Variants in ANKS1B observed in about 807,000 individuals in gnomAD.
ANKS1B encodes the protein ankyrin repeat and sterile alpha motif domain containing 1B.
In ANKS1B, 36 loss-of-function variants were observed where a neutral mutation model predicts 148.3. The ratio of observed to expected loss-of-function variants is 0.24; its 90% CI spans 0.19 to 0.32. ANKS1B has a LOEUF of 0.32. ANKS1B is among the 10% of genes least tolerant of loss of function. The pLI, the probability that ANKS1B is intolerant of heterozygous loss-of-function variation, is 1.00. For synonymous variants in ANKS1B, 542 were observed against 560.8 expected (o/e 0.97, Z 0.47); for missense variants, 1,157 against 1,542.6 (o/e 0.75, Z 4.19).
chr12:99,433,338 A>T (rs2095410360), intron 11 of ANKS1B, among the ~76,000 whole-genome samples: 1 of 152,202 alleles, frequency 6.6e-6, no homozygotes, highest in Admixed American at 6.5e-5. Flanking sequence ...CAGAGGTATG[A>T]TGATGTCATC....
chr12:99,040,267 TGC>T, intron 17 of ANKS1B, among the ~76,000 whole-genome samples: 1 of 151,476 alleles, frequency 6.6e-6, no homozygotes, highest in East Asian at 2.0e-4. Flanking sequence ...TCTCTCTATG[TGC>T]GTGTGCGTGT....
At position 98,745,850 on chromosome 12, in the gene ANKS1B, C is replaced by T; in HGVS notation, c.3748-1G>A. The stretch of plus-strand genomic sequence containing the variant: ...TCTTTTGCTCAGATGGGTCGATCTG[C>T]TTTAAAACAGAAAGGCTGATGCCTG... On this transcript the variant is annotated splice_acceptor_variant, in intron 26 of 26. Transcript: ENST00000683438. LOFTEE classifies it high-confidence loss of function. 1.2e-6 allele frequency: 2 copies of T among 1,611,792 alleles called. No individual in the cohort carries two copies. Among genetic ancestry groups the T allele is most frequent in the Non-Finnish European group, 1.7e-6 (2 of 1,178,950 alleles).
intron 15 of ANKS1B, among the ~76,000 whole-genome samples, chr12:99,100,633 G>A (rs559443540): frequency 6.6e-5 from 10 of 152,330 alleles, no homozygotes; most frequent in African/African-American, 2.4e-4. Context: ...AGGTTCCAGT[G>A]ATTCTCCTGC....
At chr12:99,674,519 C>T (rs938437517) in intron 8 of ANKS1B, among the ~76,000 whole-genome samples, 1 of 151,592 alleles carries the variant, frequency 6.6e-6, no homozygotes, top group Non-Finnish European at 1.5e-5. Context: ...AGGACTTGTG[C>T]AAGAATAATA....
intron 11 of ANKS1B, among the ~76,000 whole-genome samples, chr12:99,426,803 A>T (rs993335061): frequency 6.6e-6 from 1 of 152,144 alleles, no homozygotes; most frequent in Admixed American, 6.6e-5. Flanking sequence ...AGGGTATCTA[A>T]AACTTATACA....
chr12:99,928,428 G>C (rs938454708), intron 1 of ANKS1B, among the ~76,000 whole-genome samples: 13 of 150,714 alleles, frequency 8.6e-5, no homozygotes, highest in Non-Finnish European at 1.8e-4. Flanking sequence ...ACAGGCGCCC[G>C]CCACCGCGCC....
rs766507865 is a variant in ANKS1B at position 99,984,093 on chromosome 12, C to G, written c.134+11G>C. ...AGGTGTGCCAACCCCGGAGCTGGTG[C>G]CCGTCCTTACCTTAGCAGATTAGAC... is the stretch of plus-strand genomic sequence containing the variant. On this transcript the variant is annotated intron_variant, in intron 1 of 26. Transcript: ENST00000683438. 21 of 1,607,536 alleles carry G rather than the reference C, an allele frequency of 1.3e-5. No individual in the cohort carries two copies. In the African/African-American group the frequency reaches 2.3e-4, roughly 17 times the overall value.
intron 17 of ANKS1B, among the ~76,000 whole-genome samples, chr12:98,992,593 G>A (rs2099927282): frequency 6.6e-6 from 1 of 152,096 alleles, no homozygotes; most frequent in Non-Finnish European, 1.5e-5. Flanking sequence ...GTTTCCTGAG[G>A]TTTCCCCAGC....
chr12:99,856,311 A>G (rs1301541611), intron 1 of ANKS1B, among the ~76,000 whole-genome samples: 2 of 152,170 alleles, frequency 1.3e-5, no homozygotes, highest in Non-Finnish European at 2.9e-5. Flanking sequence ...TAGAAAACCT[A>G]GTGGACATGG....
chr12:99,516,673 C>G (rs2096824416), intron 9 of ANKS1B, among the ~76,000 whole-genome samples: 1 of 151,962 alleles, frequency 6.6e-6, no homozygotes, highest in Non-Finnish European at 1.5e-5. Flanking sequence ...ATAGGTGCAG[C>G]AAACCACCAT....
At chr12:99,063,755 G>A (rs2043189427) in intron 16 of ANKS1B, among the ~76,000 whole-genome samples, 1 of 152,156 alleles carries the variant, frequency 6.6e-6, no homozygotes, top group African/African-American at 2.4e-5. Context: ...GAGTCTGAGA[G>A]CCTGAGTATC....
At chr12:99,320,344 T>G (rs761329744) in intron 12 of ANKS1B, among the ~76,000 whole-genome samples, 3 of 152,188 alleles carry the variant, frequency 2.0e-5, no homozygotes, top group Non-Finnish European at 4.4e-5. Context: ...AGATGTAGAT[T>G]TGGTCTTTTC....
intron 8 of ANKS1B, among the ~76,000 whole-genome samples, chr12:99,749,990 G>T (rs1261099806): frequency 2.6e-5 from 4 of 152,014 alleles, no homozygotes; most frequent in Non-Finnish European, 5.9e-5. Flanking sequence ...GTTTTAGCTA[G>T]GATTCTTAAA....
At chr12:99,265,518 G>A (rs2076362356) in intron 12 of ANKS1B, among the ~76,000 whole-genome samples, 1 of 152,170 alleles carries the variant, frequency 6.6e-6, no homozygotes, top group South Asian at 2.1e-4. Flanking sequence ...ATTAAGAGAT[G>A]AGAACCACTG....
intron 14 of ANKS1B, among the ~76,000 whole-genome samples, chr12:99,205,342 C>T (rs775401825): frequency 3.3e-5 from 5 of 152,238 alleles, no homozygotes; most frequent in Non-Finnish European, 5.9e-5. Flanking sequence ...CTCTTGCTCA[C>T]CTCATCATAA....
intron 9 of ANKS1B, among the ~76,000 whole-genome samples, chr12:99,612,055 A>ATC (rs2097906873): frequency 6.6e-6 from 1 of 151,974 alleles, no homozygotes; most frequent in East Asian, 1.9e-4. Context: ...ATTAGAGCAA[A>ATC]ATTGTCAGTT....
intron 10 of ANKS1B, among the ~76,000 whole-genome samples, chr12:99,444,172 TC>T (rs1294809954): frequency 6.6e-6 from 1 of 151,968 alleles, no homozygotes; most frequent in Non-Finnish European, 1.5e-5. Context: ...GCTAAAGCTT[TC>T]CCAATAATCT....
intron 11 of ANKS1B, among the ~76,000 whole-genome samples, chr12:99,413,162 T>C (rs961854057): frequency 2.0e-5 from 3 of 152,332 alleles, no homozygotes; most frequent in Admixed American, 1.3e-4. Context: ...AAATTTGTTG[T>C]CTCATTGAAG....
At chr12:98,939,600 G>A (rs1292056426) in intron 17 of ANKS1B, among the ~76,000 whole-genome samples, 1 of 152,188 alleles carries the variant, frequency 6.6e-6, no homozygotes, top group African/African-American at 2.4e-5. Flanking sequence ...TAGATTTAGT[G>A]CTAATGTTTT....
Sources: gnomAD v4.1 joint callset for allele counts (sites outside exome capture counted in the v4.1 genomes callset) on GRCh38, gnomAD v4.1.1 for gene constraint, MANE v1.5 for transcripts, NCBI Gene and HGNC (gene_info 2026-07-23, HGNC 2026-07-21) for gene names.